The following WASHC2A variants were observed in gnomAD, a reference collection of about 807,000 sequenced individuals.
WASHC2A encodes WASH complex subunit 2A.
Under a neutral mutation model 140.3 loss-of-function variants are expected in WASHC2A, and 82 were observed. The observed-to-expected ratio is 0.58, with a 90% CI of 0.49 to 0.70. WASHC2A has a LOEUF of 0.70. WASHC2A is among the 30% of genes least tolerant of loss of function. The pLI, the probability that WASHC2A is intolerant of heterozygous loss-of-function variation, is 0.00. For synonymous variants in WASHC2A, 340 were observed against 560.8 expected, an observed-to-expected ratio of 0.61 and a Z score of 5.56; for missense variants, 985 against 1,521.8, an observed-to-expected ratio of 0.65 and a Z score of 5.87.
intron 20 of WASHC2A, chr10:50,112,200 C>G: frequency 2.0e-6 from 2 of 978,978 alleles, no homozygotes; most frequent in South Asian, 4.8e-5. Context: ...CACACAAGGT[C>G]ATAAATCTGG....
Position 50,068,226 on chromosome 10 carries a change from G to A in WASHC2A, c.125G>A (p.Gly42Asp), listed in dbSNP as rs782036736. 6 of 1,573,520 alleles carry A rather than the reference G, an allele frequency of 3.8e-6. No homozygotes were observed. In the African/African-American group the frequency reaches 6.8e-5, roughly 18 times the overall value. The change falls in exon 2 of 31, where the codon GGC becomes GAC. Residue 42 changes from glycine (G) to aspartate (D), a missense_variant and splice_region_variant. By Grantham distance (94) the Gly-to-Asp change is moderately conservative. Coordinates refer to ENST00000282633, the MANE Select transcript of WASHC2A (RefSeq NM_001005751.3). The stretch of plus-strand genomic sequence containing the variant: ...AGCTGGTCGCTGGCGGCCGACGCGG[G>A]CGTGAGAGGCGGGCCCCGGGGACGC... ...SQSWSLAADA[G>D]LLQFLQEFSQ... is the part of the protein sequence containing the mutation.
chr10:50,075,768 G>T (rs10797293), intron 3 of WASHC2A, among the ~76,000 whole-genome samples: 2 of 151,394 alleles, frequency 1.3e-5, no homozygotes, highest in Non-Finnish European at 2.9e-5. Context: ...TTTCTCTGCT[G>T]TTTGCCAGTA....
chr10:50,104,554 A>G (rs1307048101), intron 18 of WASHC2A, among the ~76,000 whole-genome samples: 1 of 151,820 alleles, frequency 6.6e-6, no homozygotes, highest in Non-Finnish European at 1.5e-5. Context: ...ACAGGGTTTC[A>G]CCATGTTGGC....
chr10:50,083,651 G>A (rs1839125877), intron 5 of WASHC2A, among the ~76,000 whole-genome samples: 1 of 116,650 alleles, frequency 8.6e-6, no homozygotes, highest in Non-Finnish European at 1.7e-5. Context: ...CTGTTTCCTG[G>A]GTTCAAGTGA....
intron 18 of WASHC2A, among the ~76,000 whole-genome samples, chr10:50,106,022 A>G (rs1273639373): frequency 1.3e-5 from 2 of 152,160 alleles, no homozygotes; most frequent in Non-Finnish European, 2.9e-5. Flanking sequence ...ATGAGCAGAG[A>G]GGCACTTGCC....
intron 2 of WASHC2A, 185 bp from the exon 3 acceptor site, chr10:50,069,362 T>G (rs1837585688): frequency 1.2e-6 from 1 of 816,452 alleles, no homozygotes; most frequent in African/African-American, 1.8e-5. Flanking sequence ...GGAGGTGCAG[T>G]GAGCCGAGAT....
chr10:50,125,554 G>A, intron 25 of WASHC2A, 105 bp downstream of exon 25: 1 of 1,607,472 alleles, frequency 6.2e-7, no homozygotes, highest in Non-Finnish European at 8.5e-7. Context: ...GAGTCGTGCT[G>A]CTTCCTACTA....
chr10:50,124,245 A>T (rs1394117374), intron 23 of WASHC2A, among the ~76,000 whole-genome samples: 1 of 151,882 alleles, frequency 6.6e-6, no homozygotes, highest in Non-Finnish European at 1.5e-5. Flanking sequence ...CTGGAACCAC[A>T]GGCACACGCC....
At position 50,090,848 on chromosome 10, in the gene WASHC2A, G is replaced by T; in HGVS notation, c.805G>T (p.Glu269Ter). Residue 269 changes from glutamate to a stop codon, truncating the protein, a stop_gained, in exon 9 of 31, where the codon GAG becomes TAG. Transcript: ENST00000282633. LOFTEE classifies it high-confidence loss of function. ...CDLFADSEKE[E>*]EDIEDIEENT... is the part of the protein sequence containing the mutation. The stretch of plus-strand genomic sequence containing the variant: ...CCTTTTCGCTGACTCTGAGAAGGAG[G>T]AGGAAGATATTGAGGACATTGAAGA... The T allele has an allele frequency of 5.6e-6, 9 of 1,611,606 alleles. No homozygotes were observed. The Admixed American group carries it at 1.2e-4, about 21-fold the overall frequency.
intron 13 of WASHC2A, 53 bp from the exon 14 acceptor site, chr10:50,095,095 C>G: frequency 1.3e-6 from 2 of 1,590,720 alleles, no homozygotes; most frequent in Non-Finnish European, 1.7e-6. Context: ...AAGAAAATAG[C>G]AAGGAAAGTT....
Position 50,126,164 on chromosome 10 carries a change from G to C in WASHC2A, c.2796G>C (p.Lys932Asn), listed in dbSNP as rs781955415. 7 of 1,613,410 alleles carry C rather than the reference G, an allele frequency of 4.3e-6. No individual in the cohort carries two copies. Among genetic ancestry groups the C allele is most frequent in the Non-Finnish European group, 5.9e-6 (7 of 1,179,622 alleles). ...IQGSKEKGIW[K>N]PETPQDSSGL... is the part of the protein sequence containing the mutation. ...GTAGTAAAGAAAAAGGCATATGGAA[G>C]CCGGAAACACCTCAGGTTAGAAATC... is the stretch of plus-strand genomic sequence containing the variant. Residue 932 changes from lysine to asparagine, a missense_variant, in exon 26 of 31, where the codon AAG becomes AAC. Lys to Asn is a moderately conservative substitution (Grantham distance 94). Coordinates refer to ENST00000282633, the MANE Select transcript of WASHC2A (RefSeq NM_001005751.3).
chr10:50,110,879 C>A (rs1589252278), intron 20 of WASHC2A, among the ~76,000 whole-genome samples: 1 of 101,832 alleles, frequency 9.8e-6, no homozygotes, highest in Admixed American at 1.6e-4. Context: ...GGCAACGGAG[C>A]AAGACTCCAT....
intron 23 of WASHC2A, among the ~76,000 whole-genome samples, chr10:50,123,300 G>C (rs1178353471): frequency 7.7e-6 from 1 of 129,650 alleles, no homozygotes; most frequent in African/African-American, 2.8e-5. Context: ...GAATATGATT[G>C]CTCCCAGCAG....
At chr10:50,069,079 T>C (rs540284468) in intron 2 of WASHC2A, among the ~76,000 whole-genome samples, 35 of 151,538 alleles carry the variant, frequency 2.3e-4, no homozygotes, top group African/African-American at 8.5e-4. Context: ...ACTGCCACTC[T>C]TTTGATGAGC....
chr10:50,085,838 G>C (rs1170192037), intron 7 of WASHC2A, among the ~76,000 whole-genome samples: 10 of 150,178 alleles, frequency 6.7e-5, no homozygotes, highest in African/African-American at 2.5e-4. Context: ...TTTTTGAGAA[G>C]GGCAGCTTAG....
chr10:50,113,425 A>G (rs1268005677), intron 20 of WASHC2A, among the ~76,000 whole-genome samples: 1 of 151,630 alleles, frequency 6.6e-6, no homozygotes, highest in Non-Finnish European at 1.5e-5. Context: ...TTATGTCTCA[A>G]TAACGCTACT....
At chr10:50,099,132 T>G (rs1554885634) in intron 16 of WASHC2A, among the ~76,000 whole-genome samples, 1 of 152,192 alleles carries the variant, frequency 6.6e-6, no homozygotes, top group Non-Finnish European at 1.5e-5. Context: ...ATTTTTTTAA[T>G]TCTATATTTC....
chr10:50,076,465 G>A (rs1179741202), intron 3 of WASHC2A, among the ~76,000 whole-genome samples: 5 of 151,888 alleles, frequency 3.3e-5, no homozygotes, highest in African/African-American at 4.8e-5. Context: ...GGATATGATC[G>A]TTTAAAAACA....
chr10:50,126,102 T>C lies in WASHC2A; in HGVS notation c.2734T>C (p.Ser912Pro). The change falls in exon 26 of 31, where the codon TCT becomes CCT. Residue 912 changes from serine (S) to proline (P), a missense_variant. Ser to Pro is a moderately conservative substitution (Grantham distance 74). Coordinates refer to ENST00000282633, the MANE Select transcript of WASHC2A (RefSeq NM_001005751.3). ...RVVKKDHSVD[S>P]FKNQKHPESI... Reference sequence around the variant, plus strand: ...AGTGAAAAAAGACCACTCTGTTGACTCTTTCAAAAACCAGAAACATCCTGA... The same window carrying C: ...AGTGAAAAAAGACCACTCTGTTGACCCTTTCAAAAACCAGAAACATCCTGA... The C allele has an allele frequency of 6.2e-7, 1 of 1,613,886 alleles. No individual in the cohort carries two copies. The highest frequency in any genetic ancestry group is 8.5e-7 in the Non-Finnish European group (1 of 1,179,836).
Sources: gnomAD v4.1 joint callset for allele counts (sites outside exome capture counted in the v4.1 genomes callset) on GRCh38, gnomAD v4.1.1 for gene constraint, MANE v1.5 for transcripts, NCBI Gene and HGNC (gene_info 2026-07-23, HGNC 2026-07-21) for gene names.